The following EVC variants were observed in gnomAD, a reference collection of about 807,000 sequenced individuals.
The protein encoded by EVC is evC complex member EVC.
A neutral mutation model predicts 118.9 loss-of-function variants in EVC; 116 were observed. The observed-to-expected ratio is 0.98, with a 90% CI of 0.84 to 1.14. EVC has a LOEUF of 1.14. Ranked by LOEUF, EVC falls within the 50% of genes most tolerant of loss-of-function variation. The pLI is 0.00. For synonymous variants in EVC, 619 were observed against 534.7 expected (o/e 1.16, Z -2.18); for missense variants, 1,401 against 1,246.4 (o/e 1.12, Z -1.87).
chr4:5,797,089 C>T lies in EVC; in HGVS notation c.1954C>T (p.Arg652Cys), dbSNP rs759245991. Reference protein sequence around the residue: ...LRSALRRLALRGNALATLTQM... With the variant: ...LRSALRRLALCGNALATLTQM... ...CTCAGCCCTCCGGAGGCTGGCACTC[C>T]GCGGCAACGCCCTGGCCACCCTGAC... The change falls in exon 14 of 21, where the codon CGC (arginine) becomes TGC (cysteine). Residue 652 changes from arginine (R) to cysteine (C), a missense_variant. Arg to Cys is a radical substitution (Grantham distance 180). Coordinates refer to ENST00000264956, the MANE Select transcript of EVC (RefSeq NM_153717.3). The T allele has an allele frequency of 5.0e-5, 81 of 1,613,536 alleles. No homozygotes were observed. In the East Asian group the frequency reaches 1.1e-3, roughly 23 times the overall value.
chr4:5,793,720 G>C lies in EVC; in HGVS notation c.1886+3G>C. 4 of 1,548,104 alleles carry C rather than the reference G, an allele frequency of 2.6e-6. No individual in the cohort carries two copies. The highest frequency in any genetic ancestry group is 1.2e-5 in the South Asian group (1 of 83,918). ...CGACTGGGCGGCCTCACTGAAGAGT[G>C]AGTACAGCTCCCTGAAGGCCCAGGG... On this transcript the variant is annotated splice_donor_region_variant and intron_variant, in intron 13 of 20. Coordinates refer to ENST00000264956, the MANE Select transcript of EVC (RefSeq NM_153717.3).
intron 11 of EVC, among the ~76,000 whole-genome samples, chr4:5,777,434 C>A (rs566740103): frequency 6.6e-6 from 1 of 152,110 alleles, no homozygotes; most frequent in Non-Finnish European, 1.5e-5. Context: ...CCTCTGACAG[C>A]GTCAGGCTGT....
chr4:5,818,247 G>A (rs1717995055), downstream of EVC, among the ~76,000 whole-genome samples: 1 of 152,294 alleles, frequency 6.6e-6, no homozygotes, highest in Middle Eastern at 3.4e-3. Context: ...TTCTAGCCAC[G>A]TGGAACTGTG....
chr4:5,731,690 C>T lies in EVC; in HGVS notation c.617+33C>T, dbSNP rs756906605. ...GAGCGGGCAATGGAGGATGAGGCTT[C>T]CAGTCCTCTTGGAGTGGGCCGGGAG... On this transcript the variant is annotated intron_variant, in intron 4 of 20. Coordinates refer to ENST00000264956, the MANE Select transcript of EVC (RefSeq NM_153717.3). The surrounding 1 kb of genome is among the most constrained non-coding windows in gnomAD (Gnocchi z 5.6). The T allele has an allele frequency of 1.9e-6, 3 of 1,589,504 alleles. No individual in the cohort carries two copies. Among genetic ancestry groups the T allele is most frequent in the Non-Finnish European group, 1.7e-6 (2 of 1,162,610 alleles).
rs752906200 is a variant in EVC at position 5,731,449 on chromosome 4, C to A, written c.409C>A (p.Pro137Thr). Reference protein sequence around the residue: ...FRPLADGSSNPSLHENLKQAV... With the variant: ...FRPLADGSSNTSLHENLKQAV... ...GCCTCTGGCCGATGGCTCCTCCAAC[C>A]CGTCTCTGCATGAAAACTTAAAGCA... The change falls in exon 4 of 21, where the codon CCG (proline) becomes ACG (threonine). Residue 137 changes from proline (P) to threonine (T), a missense_variant. Physicochemically the swap from Pro to Thr is conservative, Grantham distance 38. Coordinates refer to ENST00000264956, the MANE Select transcript of EVC (RefSeq NM_153717.3). The surrounding 1 kb of genome is among the most constrained non-coding windows in gnomAD (Gnocchi z 5.6). 106 of 1,613,414 alleles carry A rather than the reference C, an allele frequency of 6.6e-5. No homozygotes were observed. The highest frequency in any genetic ancestry group is 7.8e-5 in the Non-Finnish European group (92 of 1,179,958).
rs533895594 is a variant in EVC, at chr4:5,746,647, C to T, written c.939+1306C>T. Among the ~76,000 whole-genome samples the T allele has an allele frequency of 2.0e-4, 31 of 152,230 alleles. No individual in the cohort carries two copies. The highest frequency in any genetic ancestry group is 3.5e-4 in the Non-Finnish European group (24 of 68,018). ...CCGGTGGTCCACAGAACCCCCAACG[C>T]TGTGTGCAGTATCTTGTCCATGTCT... On this transcript the variant is annotated intron_variant, in intron 7 of 20. Transcript: ENST00000264956. This position sits in a 1 kb window ranked among gnomAD's most constrained non-coding sequence, Gnocchi z 5.8.
chr4:5,815,929 A>T (rs923915779), downstream of EVC, among the ~76,000 whole-genome samples: 13 of 151,896 alleles, frequency 8.6e-5, no homozygotes, highest in Non-Finnish European at 1.2e-4. Context: ...GAAGGAAGGG[A>T]GGGAGGAACG....
At chr4:5,809,716 T>C (rs1716582156) in intron 19 of EVC, 105 bp downstream of exon 19, 2 of 1,048,996 alleles carry the variant, frequency 1.9e-6, no homozygotes, top group Admixed American at 2.0e-5. Flanking sequence ...TTAGGCATCG[T>C]GCCTAGGCTC....
chr4:5,824,666 T>A, the EVC span: 1 of 960,632 alleles, frequency 1.0e-6, no homozygotes, highest in Non-Finnish European at 1.2e-6. Context: ...ACATCCTAGA[T>A]GTTGACATCC....
intron 12 of EVC, among the ~76,000 whole-genome samples, chr4:5,791,069 C>T (rs1330349368): frequency 6.6e-6 from 1 of 152,098 alleles, no homozygotes; most frequent in Non-Finnish European, 1.5e-5. Context: ...ATCACTTAGC[C>T]TGGGCAACAG....
At chr4:5,785,782 T>C (rs1180485287) in intron 12 of EVC, among the ~76,000 whole-genome samples, 1 of 152,240 alleles carries the variant, frequency 6.6e-6, no homozygotes, top group Non-Finnish European at 1.5e-5. Flanking sequence ...AATGCAGCTT[T>C]GGAAATGATT....
intron 11 of EVC, among the ~76,000 whole-genome samples, chr4:5,766,062 T>C (rs1732815997): frequency 1.5e-5 from 2 of 134,976 alleles, no homozygotes; most frequent in African/African-American, 2.8e-5. Flanking sequence ...TTTCCATGTT[T>C]AGCGCTTCCT....
chr4:5,809,709 G>T, intron 19 of EVC, 98 bp downstream of exon 19: 2 of 1,137,878 alleles, frequency 1.8e-6, no homozygotes, highest in South Asian at 2.6e-5. Flanking sequence ...TGTGACCTTA[G>T]GCATCGTGCC....
At chr4:5,721,773 A>G (rs1725000328) in intron 2 of EVC, among the ~76,000 whole-genome samples, 1 of 152,194 alleles carries the variant, frequency 6.6e-6, no homozygotes, top group African/African-American at 2.4e-5. Context: ...AGGCTGAGGC[A>G]GGAGAATTGC....
intron 12 of EVC, among the ~76,000 whole-genome samples, chr4:5,786,259 T>C (rs1424050740): frequency 6.6e-6 from 1 of 152,240 alleles, no homozygotes; most frequent in Non-Finnish European, 1.5e-5. Flanking sequence ...TTTAATGGTA[T>C]TGATAGTGAA....
intron 11 of EVC, among the ~76,000 whole-genome samples, chr4:5,766,312 C>A (rs1732853983): frequency 6.6e-6 from 1 of 150,592 alleles, no homozygotes; most frequent in Admixed American, 6.6e-5. Context: ...GGTAACCCGA[C>A]CTTTCTCTCT....
At position 5,738,391 on chromosome 4, in the gene EVC, T is replaced by G. The variant is rs551173182; in HGVS notation, c.703-3325T>G. Among the ~76,000 whole-genome samples, 7 of 152,312 alleles carry G rather than the reference T, an allele frequency of 4.6e-5. No individual in the cohort carries two copies. Among genetic ancestry groups the G allele is most frequent in the Admixed American group, 2.6e-4 (4 of 15,304 alleles). ...GGGTTTGAGAGGATTGACTCCAAGT[T>G]TTAAAGTTCTACTGTGGGCAAATTG... On this transcript the variant is annotated intron_variant, in intron 5 of 20. Coordinates refer to ENST00000264956, the MANE Select transcript of EVC (RefSeq NM_153717.3). The surrounding 1 kb of genome is among the most constrained non-coding windows in gnomAD (Gnocchi z 6.5).
intron 2 of EVC, among the ~76,000 whole-genome samples, chr4:5,724,033 T>C (rs1053897385): frequency 6.6e-6 from 1 of 152,198 alleles, no homozygotes; most frequent in African/African-American, 2.4e-5. Flanking sequence ...AAAAGATAAT[T>C]CGATTCCCAC....
chr4:5,828,804 T>A, the EVC span: 5 of 1,083,810 alleles, frequency 4.6e-6, no homozygotes, highest in African/African-American at 3.3e-5. Flanking sequence ...TACCTTTTAT[T>A]GACTGTAATA....
Sources: allele counts gnomAD v4.1 joint callset (sites outside exome capture counted in the v4.1 genomes callset), GRCh38; gene constraint gnomAD v4.1.1; non-coding constraint Gnocchi (gnomAD v3.1); transcripts MANE v1.5; gene names NCBI Gene and HGNC (gene_info 2026-07-23, HGNC 2026-07-21).